Variants in ROR1 observed in about 807,000 individuals in gnomAD.
ROR1 encodes ROR family WNT receptor 1, also known as inactive tyrosine-protein kinase transmembrane receptor ROR1.
In ROR1, 19 loss-of-function variants were observed where a neutral mutation model predicts 78.8. The ratio of observed to expected loss-of-function variants is 0.24; its 90% confidence interval spans 0.17 to 0.35. The LOEUF (loss-of-function observed/expected upper bound fraction) is 0.35, where lower values mean the gene tolerates loss of function less well. ROR1 is among the 10% of genes least tolerant of loss of function. The pLI is 1.00. For missense variants in ROR1, 917 were observed against 1,177.8 expected, an observed-to-expected ratio of 0.78 and a Z score of 3.24; for synonymous variants, 386 against 433.6, an observed-to-expected ratio of 0.89 and a Z score of 1.36.
At chr1:64,152,131 C>T (rs1169922489) in intron 7 of ROR1, among the ~76,000 whole-genome samples, 1 of 152,078 alleles carries the variant, frequency 6.6e-6, no homozygotes, top group African/African-American at 2.4e-5. Context: ...TAAATGTTGG[C>T]CACTGATTCC....
intron 1 of ROR1, among the ~76,000 whole-genome samples, chr1:63,959,572 C>A (rs958560093): frequency 6.6e-6 from 1 of 152,164 alleles, no homozygotes; most frequent in Non-Finnish European, 1.5e-5. Context: ...CAGGGAACCC[C>A]AGTGTAGCAT....
chr1:64,112,897 A>G (rs1033597198), intron 4 of ROR1, among the ~76,000 whole-genome samples: 3 of 152,122 alleles, frequency 2.0e-5, no homozygotes, highest in Non-Finnish European at 4.4e-5. Context: ...ACATTTCCCT[A>G]TGGACAGCCT....
intron 2 of ROR1, among the ~76,000 whole-genome samples, chr1:64,040,282 T>A (rs2100580703): frequency 6.6e-6 from 1 of 152,278 alleles, no homozygotes; most frequent in African/African-American, 2.4e-5. Context: ...AGCCAGAAAC[T>A]TTGTATTCAA....
chr1:64,066,968 C>T (rs1569668720), intron 4 of ROR1, among the ~76,000 whole-genome samples: 1 of 152,076 alleles, frequency 6.6e-6, no homozygotes, highest in East Asian at 1.9e-4. Flanking sequence ...TGGAATATCT[C>T]ATATTTTTTT....
chr1:63,817,940 G>A lies in ROR1; in HGVS notation c.91+43432G>A, dbSNP rs115319994. Among the ~76,000 whole-genome samples the A allele has an allele frequency of 5.0e-3, 761 of 152,200 alleles. 6 individuals carry two copies. Among genetic ancestry groups the A allele is most frequent in the African/African-American group, 0.018 (729 of 41,508 alleles). The stretch of plus-strand genomic sequence containing the variant: ...ATAGAGAAATGCAGAGTGTCTCTAC[G>A]GAACCCACTGTAGTAACTGAAATGT... On this transcript the variant is annotated intron_variant, in intron 1 of 8. Transcript: ENST00000371079.
At chr1:63,882,509 T>C (rs958264070) in intron 1 of ROR1, among the ~76,000 whole-genome samples, 3 of 152,172 alleles carry the variant, frequency 2.0e-5, no homozygotes, top group Non-Finnish European at 2.9e-5. Context: ...TGTGGGTGAC[T>C]TAATCTGAAA....
chr1:63,882,446 G>A (rs1419047957), intron 1 of ROR1, among the ~76,000 whole-genome samples: 4 of 152,216 alleles, frequency 2.6e-5, no homozygotes, highest in Admixed American at 6.5e-5. Flanking sequence ...CAAAGATGAC[G>A]TGCATGTTGA....
chr1:63,895,330 A>G (rs550472068), intron 1 of ROR1, among the ~76,000 whole-genome samples: 2 of 152,250 alleles, frequency 1.3e-5, no homozygotes, highest in East Asian at 1.9e-4. Flanking sequence ...AGACAGTGGG[A>G]TATAGTATTG....
At chr1:64,122,923 A>G (rs1052952720) in intron 4 of ROR1, among the ~76,000 whole-genome samples, 1 of 152,200 alleles carries the variant, frequency 6.6e-6, no homozygotes, top group Admixed American at 6.5e-5. Context: ...AAGTTTGACC[A>G]GTAAGAGGGA....
chr1:63,940,845 TG>T (rs921034574), intron 1 of ROR1, among the ~76,000 whole-genome samples: 1 of 152,134 alleles, frequency 6.6e-6, no homozygotes, highest in Non-Finnish European at 1.5e-5. Flanking sequence ...GTTAATATCA[TG>T]AATGAGAAGC....
rs538537239 is a variant in ROR1 at position 64,142,496 on chromosome 1, G to C, written c.1020G>C (p.Gln340His). Reference protein sequence around the residue: ...SGRQCQPWNSQYPHTHTFTAL... With the variant: ...SGRQCQPWNSHYPHTHTFTAL... ...GCCAGTGCCAGCCATGGAATTCCCAGTATCCCCACACACACACTTTCACCG... is the reference window on the plus strand; with the variant it reads ...GCCAGTGCCAGCCATGGAATTCCCACTATCCCCACACACACACTTTCACCG... Residue 340 changes from glutamine to histidine, a missense_variant, in exon 7 of 9, where the codon CAG (glutamine) becomes CAC (histidine). Around this residue, in one of 3 missense-constraint regions of ROR1, gnomAD observed 835 missense variants for 1,069.8 expected, o/e 0.78. Coordinates refer to ENST00000371079, the MANE Select transcript of ROR1 (RefSeq NM_005012.4). 1 of 1,614,154 alleles carries C rather than the reference G, an allele frequency of 6.2e-7. No homozygotes were observed. The highest frequency in any genetic ancestry group is 1.1e-5 in the South Asian group (1 of 91,074).
At chr1:63,881,418 C>T (rs917930488) in intron 1 of ROR1, among the ~76,000 whole-genome samples, 1 of 152,026 alleles carries the variant, frequency 6.6e-6, no homozygotes, top group Non-Finnish European at 1.5e-5. Context: ...AATTGGTTCC[C>T]GGCCACTAAG....
At chr1:64,031,117 C>T (rs1018966206) in intron 2 of ROR1, among the ~76,000 whole-genome samples, 1 of 152,204 alleles carries the variant, frequency 6.6e-6, no homozygotes. Flanking sequence ...ACCCGCCCGC[C>T]TCTGCCTCCC....
intron 4 of ROR1, among the ~76,000 whole-genome samples, chr1:64,131,098 C>T (rs543922680): frequency 6.6e-6 from 1 of 152,302 alleles, no homozygotes; most frequent in Admixed American, 6.5e-5. Flanking sequence ...CAGAAAATAA[C>T]TCCCACTTTA....
chr1:64,157,870 G>A (rs138702140), intron 7 of ROR1, among the ~76,000 whole-genome samples: 252 of 152,324 alleles, frequency 1.7e-3, no homozygotes, highest in Non-Finnish European at 2.9e-3. Flanking sequence ...TACTGAATGA[G>A]TGGAAGGGTA....
chr1:63,901,595 G>T (rs1320199945), intron 1 of ROR1, among the ~76,000 whole-genome samples: 5 of 85,546 alleles, frequency 5.8e-5, no homozygotes, highest in Non-Finnish European at 9.5e-5. Flanking sequence ...GATTCTGAGG[G>T]AATTTAATTT....
At chr1:63,873,017 A>AT (rs1267226706) in intron 1 of ROR1, among the ~76,000 whole-genome samples, 2 of 151,878 alleles carry the variant, frequency 1.3e-5, no homozygotes, top group Admixed American at 6.6e-5. Context: ...TTATGATTTT[A>AT]TTTTTTTGGA....
chr1:63,941,482 T>C (rs1294992225), intron 1 of ROR1, among the ~76,000 whole-genome samples: 1 of 152,218 alleles, frequency 6.6e-6, no homozygotes, highest in Non-Finnish European at 1.5e-5. Flanking sequence ...TTTTAAGTAT[T>C]GGAGTACAGT....
intron 1 of ROR1, among the ~76,000 whole-genome samples, chr1:63,908,732 C>A (rs1439775791): frequency 6.6e-6 from 1 of 152,212 alleles, no homozygotes; most frequent in Non-Finnish European, 1.5e-5. Context: ...GTTACTACCA[C>A]CTTGTACTAC....
Sources: gnomAD v4.1 joint callset for allele counts (sites outside exome capture counted in the v4.1 genomes callset) on GRCh38, gnomAD v4.1.1 for gene constraint, gnomAD v4.1.1 regional missense constraint, MANE v1.5 for transcripts, NCBI Gene and HGNC (gene_info 2026-07-23, HGNC 2026-07-21) for gene names.